The following PLXNA4 variants were observed in gnomAD, a reference collection of about 807,000 sequenced individuals.
PLXNA4 encodes the protein plexin-A4.
PLXNA4 carries 44 observed loss-of-function variants against 191.8 expected under a neutral mutation model. That is an observed-to-expected ratio of 0.23 (90% CI 0.18 to 0.29). The LOEUF (loss-of-function observed/expected upper bound fraction) is 0.29. Ranked by LOEUF, PLXNA4 falls within the 10% of genes least tolerant of loss-of-function variation. PLXNA4 has a pLI of 1.00. For missense variants in PLXNA4, 1,800 were observed against 2,488.8 expected, an observed-to-expected ratio of 0.72 and a Z score of 5.89; for synonymous variants, 1,082 against 1,009.5, an observed-to-expected ratio of 1.07 and a Z score of -1.36.
intron 1 of PLXNA4, among the ~76,000 whole-genome samples, chr7:132,551,065 T>C (rs1800540657): frequency 6.6e-6 from 1 of 152,170 alleles, no homozygotes; most frequent in Non-Finnish European, 1.5e-5. Flanking sequence ...TTCCACTTAG[T>C]ACCTCAGGCC....
At chr7:132,355,413 C>A (rs1358295649) in intron 3 of PLXNA4, among the ~76,000 whole-genome samples, 1 of 152,154 alleles carries the variant, frequency 6.6e-6, no homozygotes, top group Non-Finnish European at 1.5e-5. Context: ...ACTGATAAAT[C>A]CCCCAGGACA....
In PLXNA4 at chr7:132,280,967, C is replaced by T. The variant is rs1012908169; in HGVS notation, c.1503+17124G>A. Among the ~76,000 whole-genome samples the T allele has an allele frequency of 2.0e-5, 3 of 151,920 alleles. No individual in the cohort carries two copies. In the South Asian group the frequency reaches 6.2e-4, roughly 32 times the overall value. On this transcript the variant is annotated intron_variant, in intron 4 of 31. Coordinates refer to ENST00000321063, the MANE Select transcript of PLXNA4 (RefSeq NM_020911.2). ...TAATAAATAATATATATGTTCTGCT[C>T]ATTAGCATCATAGCACTATCAAACC... is the stretch of plus-strand genomic sequence containing the variant.
Position 132,308,913 on chromosome 7 carries a change from G to A in PLXNA4, c.1372-10691C>T, listed in dbSNP as rs754821428. On this transcript the variant is annotated intron_variant, in intron 3 of 31. Transcript: ENST00000321063. The stretch of plus-strand genomic sequence containing the variant: ...AGGTTAGAAGGTTTCTATATGTGCC[G>A]TAGATAAAGAGGCTAGAAGATGTGG... 4.6e-5 allele frequency among the ~76,000 whole-genome samples: 7 copies of A among 152,038 alleles called. No homozygotes were observed. In the South Asian group the frequency reaches 6.2e-4, roughly 14 times the overall value.
chr7:132,459,625 C>T (rs1218563916), intron 3 of PLXNA4, among the ~76,000 whole-genome samples: 2 of 152,080 alleles, frequency 1.3e-5, no homozygotes, highest in African/African-American at 4.8e-5. Flanking sequence ...ATATTCAGGC[C>T]CATGGGCAGC....
intron 3 of PLXNA4, among the ~76,000 whole-genome samples, chr7:132,407,014 C>A (rs1794248363): frequency 6.6e-6 from 1 of 152,196 alleles, no homozygotes; most frequent in Admixed American, 6.5e-5. Flanking sequence ...AAGAACCCTT[C>A]ATCTCCCAAG....
intron 3 of PLXNA4, among the ~76,000 whole-genome samples, chr7:132,425,218 C>G (rs1003468993): frequency 1.3e-5 from 2 of 152,136 alleles, no homozygotes; most frequent in Non-Finnish European, 2.9e-5. Context: ...CTCCTCCTTC[C>G]AGAGTGCAGA....
intron 9 of PLXNA4, among the ~76,000 whole-genome samples, chr7:132,218,303 T>C (rs1443139875): frequency 1.3e-5 from 2 of 152,162 alleles, no homozygotes; most frequent in Non-Finnish European, 2.9e-5. Flanking sequence ...ATAGAATTCA[T>C]TTTGCCTCCT....
intron 3 of PLXNA4, among the ~76,000 whole-genome samples, chr7:132,374,661 G>A (rs1486270542): frequency 6.6e-6 from 1 of 152,192 alleles, no homozygotes; most frequent in Non-Finnish European, 1.5e-5. Flanking sequence ...ACCCTCGAAT[G>A]CTAACAACAG....
chr7:132,155,684 C>T (rs1795770014), intron 25 of PLXNA4, among the ~76,000 whole-genome samples: 1 of 152,188 alleles, frequency 6.6e-6, no homozygotes, highest in African/African-American at 2.4e-5. Flanking sequence ...CCCAACTCCT[C>T]CCGCTGTGGT....
At chr7:132,533,461 T>C (rs986246034) in intron 1 of PLXNA4, among the ~76,000 whole-genome samples, 7 of 152,200 alleles carry the variant, frequency 4.6e-5, no homozygotes, top group Non-Finnish European at 8.8e-5. Context: ...GAGGCCAGCC[T>C]TAGCCCAATT....
At chr7:132,555,052 A>AAAAACAAAAAAAAAC (rs1290243566) in intron 1 of PLXNA4, among the ~76,000 whole-genome samples, 5 of 151,270 alleles carry the variant, frequency 3.3e-5, no homozygotes, top group Non-Finnish European at 5.9e-5. Flanking sequence ...AAGGAAAAAA[A>AAAAACAAAAAAAAAC]AAAACAAAAA....
chr7:132,298,079 G>C lies in PLXNA4; in HGVS notation c.1503+12C>G. The C allele has an allele frequency of 6.2e-7, 1 of 1,614,124 alleles. No individual in the cohort carries two copies. Among genetic ancestry groups the C allele is most frequent in the African/African-American group, 1.3e-5 (1 of 75,056 alleles). ...GCAAGACAAATGTCTAGCGGAGCCCGAAGAGCCTTACCTGCCTCTCTGACA... is the reference window on the plus strand; with the variant it reads ...GCAAGACAAATGTCTAGCGGAGCCCCAAGAGCCTTACCTGCCTCTCTGACA... On this transcript the variant is annotated intron_variant, in intron 4 of 31. Coordinates refer to ENST00000321063, the MANE Select transcript of PLXNA4 (RefSeq NM_020911.2).
At chr7:132,198,417 AGG>A in intron 13 of PLXNA4, 66 bp downstream of exon 13, 1 of 1,541,880 alleles carries the variant, frequency 6.5e-7, no homozygotes. Flanking sequence ...GTTGCTGACC[AGG>A]ACATCCCTAA....
intron 21 of PLXNA4, among the ~76,000 whole-genome samples, chr7:132,173,401 A>T (rs535527074): frequency 3.3e-5 from 5 of 152,322 alleles, no homozygotes; most frequent in Middle Eastern, 6.8e-3. Context: ...ACACAAACAC[A>T]CATATAGACA....
rs1796701421 is a variant in PLXNA4, at chr7:132,181,444, C to T, written c.3429G>A (p.Val1143=). ...KTNFTYYPNP[V]FEAFGPSGIL... ...TTCCTGAGGGACCAAAGGCCTCAAA[C>T]ACCGGGTTGGGATAGTAGGTGAAGT... is the stretch of plus-strand genomic sequence containing the variant. The change falls in exon 18 of 32, where the codon GTG becomes GTA. Residue 1143 remains valine (V), a synonymous_variant. Coordinates refer to ENST00000321063, the MANE Select transcript of PLXNA4 (RefSeq NM_020911.2). 6.2e-7 allele frequency: 1 copy of T among 1,613,248 alleles called. No homozygotes were observed. The highest frequency in any genetic ancestry group is 1.3e-5 in the African/African-American group (1 of 74,864).
intron 3 of PLXNA4, among the ~76,000 whole-genome samples, chr7:132,366,621 G>C (rs1318979529): frequency 1.3e-5 from 2 of 152,142 alleles, no homozygotes; most frequent in Non-Finnish European, 2.9e-5. Context: ...GTAACTATTT[G>C]GGAAGAAGAG....
intron 1 of PLXNA4, among the ~76,000 whole-genome samples, chr7:132,555,237 A>G (rs1800751885): frequency 6.6e-6 from 1 of 152,156 alleles, no homozygotes; most frequent in Non-Finnish European, 1.5e-5. Context: ...TCTTCCAAAA[A>G]TAAAGGAATC....
At chr7:132,173,627 C>T (rs539929417) in intron 21 of PLXNA4, among the ~76,000 whole-genome samples, 5 of 152,336 alleles carry the variant, frequency 3.3e-5, no homozygotes, top group African/African-American at 7.2e-5. Context: ...GGACTTCTCA[C>T]GTTTGCTACA....
At chr7:132,575,895 T>C (rs907170484) in intron 1 of PLXNA4, among the ~76,000 whole-genome samples, 2 of 152,044 alleles carry the variant, frequency 1.3e-5, no homozygotes, top group African/African-American at 4.8e-5. Flanking sequence ...CCCCGGGCGC[T>C]GGGCCACCAC....
Sources: allele counts gnomAD v4.1 joint callset (sites outside exome capture counted in the v4.1 genomes callset), GRCh38; gene constraint gnomAD v4.1.1; transcripts MANE v1.5; gene names NCBI Gene and HGNC (gene_info 2026-07-23, HGNC 2026-07-21).